Variants in ZFAND3 observed in about 807,000 individuals in gnomAD.
ZFAND3 encodes AN1-type zinc finger protein 3.
In ZFAND3, 10 loss-of-function variants were observed where a neutral mutation model predicts 29.6. That is an observed-to-expected ratio of 0.34 (90% CI 0.21 to 0.57). ZFAND3 has a LOEUF of 0.57. Ranked by LOEUF, ZFAND3 falls within the 20% of genes least tolerant of loss-of-function variation. The pLI is 0.86. For missense variants in ZFAND3, 230 were observed against 304.5 expected, an observed-to-expected ratio of 0.76 and a Z score of 1.82; for synonymous variants, 128 against 112.6, an observed-to-expected ratio of 1.14 and a Z score of -0.87.
chr6:37,828,946 G>A (rs1026190744), intron 1 of ZFAND3, among the ~76,000 whole-genome samples: 5 of 152,042 alleles, frequency 3.3e-5, no homozygotes, highest in African/African-American at 4.8e-5. Flanking sequence ...CACTATGCCC[G>A]GCCTGGATGG....
intron 1 of ZFAND3, among the ~76,000 whole-genome samples, chr6:37,886,680 G>A (rs959649866): frequency 6.6e-6 from 1 of 152,146 alleles, no homozygotes; most frequent in Non-Finnish European, 1.5e-5. Flanking sequence ...AGAATTCCAT[G>A]TTTTGGATTT....
chr6:38,061,884 A>T (rs1011078434), intron 3 of ZFAND3, 109 bp downstream of exon 3: 4 of 1,320,074 alleles, frequency 3.0e-6, no homozygotes, highest in Non-Finnish European at 4.1e-6. Flanking sequence ...TTAATTCAAG[A>T]TAAGTGTCCA....
chr6:38,131,012 T>G (rs1765731732), intron 5 of ZFAND3, among the ~76,000 whole-genome samples: 1 of 152,188 alleles, frequency 6.6e-6, no homozygotes, highest in Non-Finnish European at 1.5e-5. Context: ...TCAGGGTATC[T>G]AATTCTTCCT....
At chr6:37,964,070 T>TC (rs1238569721) in intron 2 of ZFAND3, among the ~76,000 whole-genome samples, 85 of 152,262 alleles carry the variant, frequency 5.6e-4, no homozygotes, top group Non-Finnish European at 7.3e-4. Flanking sequence ...CATTCTTTTT[T>TC]CCCCCCTCAG....
chr6:37,989,089 G>T (rs2127435023), intron 2 of ZFAND3, among the ~76,000 whole-genome samples: 1 of 152,134 alleles, frequency 6.6e-6, no homozygotes, highest in South Asian at 2.1e-4. Flanking sequence ...TGTATTTTTA[G>T]TAGAGACAGG....
At chr6:38,048,246 GC>G (rs1763946809) in intron 2 of ZFAND3, among the ~76,000 whole-genome samples, 1 of 151,844 alleles carries the variant, frequency 6.6e-6, no homozygotes, top group Non-Finnish European at 1.5e-5. Flanking sequence ...CAAGCTATCT[GC>G]CCACCTCCGC....
chr6:37,885,494 A>C (rs1241493935), intron 1 of ZFAND3, among the ~76,000 whole-genome samples: 1 of 152,088 alleles, frequency 6.6e-6, no homozygotes, highest in Non-Finnish European at 1.5e-5. Context: ...AAATACAAAA[A>C]TTAGCCAGGT....
chr6:37,839,243 C>T (rs569296654), intron 1 of ZFAND3, among the ~76,000 whole-genome samples: 1 of 151,422 alleles, frequency 6.6e-6, no homozygotes, highest in Admixed American at 6.6e-5. Flanking sequence ...TGCAGTGGCG[C>T]GATCTCAGCT....
rs751701061 is a variant in ZFAND3 at position 38,061,712 on chromosome 6, C to T, written c.232C>T (p.Leu78Phe). ...CAATACCTCGATAACCACGCCAACT[C>T]TTAGTCCCAGCCAGCAGCCGCTTCC... ...NNNTSITTPT[L>F]SPSQQPLPTE... Residue 78 changes from leucine to phenylalanine, a missense_variant, in exon 3 of 6, where the codon CTT (leucine) becomes TTT (phenylalanine). Leu to Phe is a conservative substitution (Grantham distance 22). Transcript: ENST00000287218. 1.2e-6 allele frequency: 2 copies of T among 1,614,034 alleles called. No individual in the cohort carries two copies. Among genetic ancestry groups the T allele is most frequent in the East Asian group, 2.2e-5 (1 of 44,888 alleles).
intron 2 of ZFAND3, among the ~76,000 whole-genome samples, chr6:38,034,316 T>A (rs919775534): frequency 1.1e-4 from 16 of 152,146 alleles, no homozygotes; most frequent in African/African-American, 3.6e-4. Flanking sequence ...TAATGCAGAA[T>A]AAGAAAGGAT....
chr6:37,829,669 T>C (rs1252345636), intron 1 of ZFAND3, among the ~76,000 whole-genome samples: 1 of 152,240 alleles, frequency 6.6e-6, no homozygotes, highest in Non-Finnish European at 1.5e-5. Context: ...CTCTGAGGCC[T>C]GAGTTCCCTG....
intron 5 of ZFAND3, among the ~76,000 whole-genome samples, chr6:38,128,769 C>T (rs903628317): frequency 2.0e-5 from 3 of 152,184 alleles, no homozygotes; most frequent in Non-Finnish European, 2.9e-5. Flanking sequence ...GTTGGTTCTA[C>T]GTTTTTGCAA....
rs137935075 is a variant in ZFAND3 at position 38,003,834 on chromosome 6, A to G, written c.113-57759A>G. ...CCAGAATCTTAACATTGCTATTTGT[A>G]TATCTTTTTCCTTCTGCCTTCAGGG... On this transcript the variant is annotated intron_variant, in intron 2 of 5. Transcript: ENST00000287218. 4.0e-3 allele frequency: 1,784 copies of G among 450,938 alleles called. 11 individuals carry two copies. The highest frequency in any genetic ancestry group is 7.9e-3 in the Middle Eastern group (24 of 3,038). 27.9% of individuals were successfully genotyped at this position (450,938 alleles called of 1,614,324 possible).
chr6:37,824,509 G>C (rs1178653277), intron 1 of ZFAND3, among the ~76,000 whole-genome samples: 2 of 152,154 alleles, frequency 1.3e-5, no homozygotes, highest in African/African-American at 4.8e-5. Flanking sequence ...TTCTATTTAA[G>C]TACAGAAATA....
At chr6:37,845,570 T>C (rs1393357618) in intron 1 of ZFAND3, among the ~76,000 whole-genome samples, 4 of 152,170 alleles carry the variant, frequency 2.6e-5, no homozygotes, top group African/African-American at 9.7e-5. Context: ...CTAACTTGTT[T>C]TATTGCTTTT....
chr6:38,100,149 C>T (rs1057199703), intron 4 of ZFAND3, among the ~76,000 whole-genome samples: 23 of 152,146 alleles, frequency 1.5e-4, no homozygotes, highest in African/African-American at 5.1e-4. Flanking sequence ...CTGCAACCTC[C>T]GCCTCCCAGG....
Position 37,918,951 on chromosome 6 carries a change from C to CTTTTT in ZFAND3, c.72-10992_72-10988dup, listed in dbSNP as rs66941014. 3.2e-4 allele frequency among the ~76,000 whole-genome samples: 33 copies of CTTTTT among 104,718 alleles called. 4 individuals carry two copies. The highest frequency in any genetic ancestry group is 6.5e-4 in the African/African-American group (16 of 24,582). 68.7% of individuals were successfully genotyped at this position (104,718 alleles called of 152,430 possible). ...TGTGTTTTCAAAACATGAAAAATGC[C>CTTTTT]TTTTTTTTTTTTTTTTTTTTGAGAC... On this transcript the variant is annotated intron_variant, in intron 1 of 5. Coordinates refer to ENST00000287218, the MANE Select transcript of ZFAND3 (RefSeq NM_021943.3).
At chr6:38,120,790 T>C (rs1732252461) in intron 5 of ZFAND3, among the ~76,000 whole-genome samples, 1 of 152,216 alleles carries the variant, frequency 6.6e-6, no homozygotes, top group South Asian at 2.1e-4. Flanking sequence ...ATTAACCTCC[T>C]GAGTAATCTG....
At chr6:37,976,567 G>C (rs1186873875) in intron 2 of ZFAND3, among the ~76,000 whole-genome samples, 2 of 126,772 alleles carry the variant, frequency 1.6e-5, no homozygotes. Flanking sequence ...CTGTGTAACA[G>C]AGTGAGACAC....
Sources: gnomAD v4.1 joint callset for allele counts (sites outside exome capture counted in the v4.1 genomes callset) on GRCh38, gnomAD v4.1.1 for gene constraint, MANE v1.5 for transcripts, NCBI Gene and HGNC (gene_info 2026-07-23, HGNC 2026-07-21) for gene names.